TCF4: variants seen among roughly 807,000 people sequenced by gnomAD.
The protein encoded by TCF4 is transcription factor 4, also known as SL3-3 enhancer factor 2.
TCF4 carries 3 observed loss-of-function variants against 82.1 expected under a neutral mutation model. The observed-to-expected ratio is 0.04, with a 90% confidence interval of 0.02 to 0.09. TCF4 has a LOEUF of 0.09. TCF4 is among the 10% of genes least tolerant of loss of function. The pLI, the probability that TCF4 is intolerant of heterozygous loss-of-function variation, is 1.00. For synonymous variants in TCF4, 276 were observed against 309.6 expected, an observed-to-expected ratio of 0.89 and a Z score of 1.14; for missense variants, 518 against 852.7, an observed-to-expected ratio of 0.61 and a Z score of 4.89.
chr18:55,441,943 T>C (rs986446390), intron 5 of TCF4, among the ~76,000 whole-genome samples: 4 of 152,188 alleles, frequency 2.6e-5, no homozygotes, highest in African/African-American at 7.2e-5. Flanking sequence ...CTAGGATCAC[T>C]AAGAAATCGC....
intron 5 of TCF4, among the ~76,000 whole-genome samples, chr18:55,405,088 A>T (rs2043962): frequency 2.6e-5 from 4 of 152,206 alleles, no homozygotes; most frequent in Admixed American, 2.6e-4. Context: ...AGAAAAGATA[A>T]ATTTATACTT....
chr18:55,394,583 G>A (rs1221542403), intron 6 of TCF4, among the ~76,000 whole-genome samples: 1 of 152,014 alleles, frequency 6.6e-6, no homozygotes, highest in Non-Finnish European at 1.5e-5. Context: ...TCGCTCTCCC[G>A]CCAAAATGTA....
At chr18:55,418,740 T>C (rs1019396516) in intron 5 of TCF4, among the ~76,000 whole-genome samples, 1 of 152,202 alleles carries the variant, frequency 6.6e-6, no homozygotes, top group Non-Finnish European at 1.5e-5. Context: ...CATTATATTT[T>C]GTCATGCCAT....
chr18:55,325,489 A>T (rs1602725789), intron 8 of TCF4, among the ~76,000 whole-genome samples: 1 of 152,104 alleles, frequency 6.6e-6, no homozygotes, highest in African/African-American at 2.4e-5. Context: ...AAATAAACCT[A>T]ATGAACATCT....
chr18:55,459,555 G>A (rs1468434448), intron 5 of TCF4, among the ~76,000 whole-genome samples: 1 of 152,136 alleles, frequency 6.6e-6, no homozygotes, highest in Non-Finnish European at 1.5e-5. Context: ...ATTTTCAAGT[G>A]AATCTTTTAT....
At chr18:55,487,450 C>T (rs890042062) in intron 3 of TCF4, among the ~76,000 whole-genome samples, 2 of 152,118 alleles carry the variant, frequency 1.3e-5, no homozygotes, top group African/African-American at 4.8e-5. Context: ...TGGCTAAGGG[C>T]TCAATGAACA....
Position 55,588,120 on chromosome 18 carries a change from G to A in TCF4, c.-103C>T, listed in dbSNP as rs1021039551. ...TCTAACCGCCGCCGCCACCGCCGCC[G>A]CCTGCTCCTGCGCCCGCTCCCGCGC... On this transcript the variant is annotated 5_prime_UTR_variant, in exon 1 of 20. Coordinates refer to ENST00000354452, the MANE Select transcript of TCF4 (RefSeq NM_001083962.2). The A allele has an allele frequency of 2.4e-4, 252 of 1,042,222 alleles. No homozygotes were observed. Among genetic ancestry groups the A allele is most frequent in the Non-Finnish European group, 2.8e-4 (243 of 872,238 alleles). The allele number at this position is 1,042,222 out of a possible 1,614,324, so 64.6% of individuals were successfully genotyped here.
chr18:55,379,846 A>C (rs2091567323), intron 6 of TCF4, among the ~76,000 whole-genome samples: 1 of 152,142 alleles, frequency 6.6e-6, no homozygotes, highest in African/African-American at 2.4e-5. Flanking sequence ...TCAGGACCAG[A>C]ATGGCTGGAT....
chr18:55,422,099 A>AT (rs1177600748), intron 5 of TCF4: 6 of 608,928 alleles, frequency 9.9e-6, no homozygotes, highest in African/African-American at 2.4e-5. Flanking sequence ...AAGAAAAAGC[A>AT]CAAAAAAAAA....
intron 11 of TCF4, among the ~76,000 whole-genome samples, chr18:55,263,306 T>C (rs1283936600): frequency 6.6e-6 from 1 of 152,158 alleles, no homozygotes; most frequent in East Asian, 1.9e-4. Flanking sequence ...TATAAGCAAG[T>C]TCTTTGAAAT....
intron 2 of TCF4, chr18:55,585,951 G>GT: frequency 7.9e-7 from 1 of 1,271,018 alleles, no homozygotes; most frequent in Non-Finnish European, 1.0e-6. Flanking sequence ...CTTCTTCGAC[G>GT]TATCTAGTGG....
chr18:55,443,477 C>A (rs2095476330), intron 5 of TCF4, among the ~76,000 whole-genome samples: 3 of 152,184 alleles, frequency 2.0e-5, no homozygotes, highest in Non-Finnish European at 1.5e-5. Context: ...TTGGAATTTT[C>A]TGCCTTAAAA....
At chr18:55,297,298 G>A (rs1051349879) in intron 8 of TCF4, among the ~76,000 whole-genome samples, 11 of 151,514 alleles carry the variant, frequency 7.3e-5, no homozygotes, top group South Asian at 2.1e-4. Flanking sequence ...TTAACAGAGC[G>A]CATAGAGTCT....
At chr18:55,548,115 C>T (rs141779423) in intron 3 of TCF4, among the ~76,000 whole-genome samples, 1 of 152,300 alleles carries the variant, frequency 6.6e-6, no homozygotes, top group Non-Finnish European at 1.5e-5. Context: ...ATTTGAATCC[C>T]AATTCCTTGA....
intron 8 of TCF4, chr18:55,302,578 T>C: frequency 6.5e-7 from 1 of 1,533,894 alleles, no homozygotes; most frequent in Non-Finnish European, 8.7e-7. Flanking sequence ...CAGCCCAGAA[T>C]TCATAATGGG....
intron 5 of TCF4, among the ~76,000 whole-genome samples, chr18:55,435,226 T>G (rs1329069413): frequency 1.3e-5 from 2 of 152,228 alleles, no homozygotes; most frequent in Admixed American, 1.3e-4. Flanking sequence ...TAAATATAAA[T>G]GATAGGTAAC....
At chr18:55,323,974 T>C (rs959074269) in intron 8 of TCF4, among the ~76,000 whole-genome samples, 1 of 152,236 alleles carries the variant, frequency 6.6e-6, no homozygotes, top group African/African-American at 2.4e-5. Flanking sequence ...CTATTAATTA[T>C]GTAAATATAA....
chr18:55,588,213 T>C (rs2097671713), upstream of TCF4: 8 of 1,328,926 alleles, frequency 6.0e-6, no homozygotes, highest in African/African-American at 7.6e-5. Flanking sequence ...CCAAGATCCC[T>C]GACTCTTAAC....
chr18:55,487,730 T>C (rs1224090079), intron 3 of TCF4, among the ~76,000 whole-genome samples: 2 of 152,092 alleles, frequency 1.3e-5, no homozygotes, highest in Non-Finnish European at 2.9e-5. Flanking sequence ...AAGGATGGGA[T>C]AACAACTTGA....
Sources: allele counts gnomAD v4.1 joint callset (sites outside exome capture counted in the v4.1 genomes callset), GRCh38; gene constraint gnomAD v4.1.1; transcripts MANE v1.5; gene names NCBI Gene and HGNC (gene_info 2026-07-23, HGNC 2026-07-21).